Variants in RPS6KA2 observed in about 807,000 individuals in gnomAD.
RPS6KA2 encodes the protein ribosomal protein S6 kinase A2.
A neutral mutation model predicts 91.8 loss-of-function variants in RPS6KA2; 42 were observed. That is an observed-to-expected ratio of 0.46 (90% CI 0.36 to 0.59). RPS6KA2 has a LOEUF of 0.59. Ranked by LOEUF, RPS6KA2 falls within the 20% of genes least tolerant of loss-of-function variation. The pLI is 0.00. For missense variants in RPS6KA2, 798 were observed against 978.5 expected, an observed-to-expected ratio of 0.82 and a Z score of 2.46; for synonymous variants, 414 against 393.6, an observed-to-expected ratio of 1.05 and a Z score of -0.61.
At chr6:166,746,289 C>G (rs999426812) in intron 2 of RPS6KA2, among the ~76,000 whole-genome samples, 5 of 152,230 alleles carry the variant, frequency 3.3e-5, no homozygotes, top group Non-Finnish European at 7.3e-5. Flanking sequence ...CCAAACTCAC[C>G]TGTTGAGGCT....
intron 2 of RPS6KA2, among the ~76,000 whole-genome samples, chr6:166,822,200 G>A (rs554148589): frequency 1.3e-5 from 2 of 152,188 alleles, no homozygotes; most frequent in African/African-American, 4.8e-5. Flanking sequence ...TTACGGGCTG[G>A]ATATGTCCCT....
At position 166,640,051 on chromosome 6, in the gene RPS6KA2, G is replaced by A. The variant is rs76801167; in HGVS notation, c.124-101267C>T. Among the ~76,000 whole-genome samples, 236 of 152,262 alleles carry A rather than the reference G, an allele frequency of 1.5e-3. 6 individuals are homozygous for A. In the East Asian group the frequency reaches 0.042, roughly 27 times the overall value. ...CATTTATCTACGAAAGAGACACAGC[G>A]AACCCCCTTATGCAGTGAAGATGGT... On this transcript the variant is annotated intron_variant, in intron 2 of 21. Transcript: ENST00000503859.
At chr6:166,744,492 G>A (rs1009498214) in intron 2 of RPS6KA2, among the ~76,000 whole-genome samples, 7 of 152,216 alleles carry the variant, frequency 4.6e-5, no homozygotes, top group Middle Eastern at 3.2e-3. Flanking sequence ...GCTCTATGGC[G>A]ACAGACTTAA....
At chr6:166,776,341 C>G (rs971069410) in intron 2 of RPS6KA2, among the ~76,000 whole-genome samples, 1 of 152,214 alleles carries the variant, frequency 6.6e-6, no homozygotes, top group Non-Finnish European at 1.5e-5. Flanking sequence ...ATGGAGTCCC[C>G]GCACTGACTT....
chr6:166,861,023 G>A (rs1038249711), intron 1 of RPS6KA2, among the ~76,000 whole-genome samples: 1 of 152,158 alleles, frequency 6.6e-6, no homozygotes, highest in African/African-American at 2.4e-5. Context: ...GGACTTCAAT[G>A]TCCGTGCTAT....
rs1790342063 is a variant in RPS6KA2, at chr6:166,726,436, A to G, written c.123+131764T>C. Among the ~76,000 whole-genome samples the G allele has an allele frequency of 6.6e-6, 1 of 152,220 alleles. No homozygotes were observed. Among genetic ancestry groups the G allele is most frequent in the South Asian group, 2.1e-4 (1 of 4,828 alleles). On this transcript the variant is annotated intron_variant, in intron 2 of 21. Coordinates refer to the RPS6KA2 transcript ENST00000503859. The surrounding 1 kb of genome is among the most constrained non-coding windows in gnomAD (Gnocchi z 4.4). ...AGCAAACTCTTAGTCACCTCCCGAG[A>G]GCCCAGACCCTGTAGCAGAGGCTTC...
At chr6:166,771,334 C>G (rs1271824327) in intron 2 of RPS6KA2, among the ~76,000 whole-genome samples, 1 of 152,198 alleles carries the variant, frequency 6.6e-6, no homozygotes, top group Non-Finnish European at 1.5e-5. Context: ...CTATTTTAAT[C>G]TGTAGATTTC....
intron 2 of RPS6KA2, among the ~76,000 whole-genome samples, chr6:166,688,740 CA>C (rs1329862210): frequency 2.6e-5 from 4 of 152,198 alleles, no homozygotes; most frequent in Non-Finnish European, 5.9e-5. Context: ...TAAGGTTAGC[CA>C]AACAACAGAA....
At chr6:166,715,998 A>G (rs1392105433) in intron 2 of RPS6KA2, among the ~76,000 whole-genome samples, 1 of 141,808 alleles carries the variant, frequency 7.1e-6, no homozygotes, top group East Asian at 2.1e-4. Context: ...AGACTGCACC[A>G]CTGCACTACA....
At chr6:166,426,160 T>G (rs1237099069) in intron 16 of RPS6KA2, among the ~76,000 whole-genome samples, 1,585 of 151,706 alleles carry the variant, frequency 0.01, 21 homozygotes, top group African/African-American at 0.034. Context: ...ACTCAAAACC[T>G]CTCAACTACA....
At chr6:166,568,453 A>C (rs2128508636) in intron 1 of RPS6KA2, among the ~76,000 whole-genome samples, 1 of 148,192 alleles carries the variant, frequency 6.7e-6, no homozygotes, top group Non-Finnish European at 1.5e-5. Context: ...GTCTCTACTA[A>C]AGATACAAAA....
At chr6:166,833,850 A>G (rs1194205482) in intron 2 of RPS6KA2, among the ~76,000 whole-genome samples, 2 of 152,096 alleles carry the variant, frequency 1.3e-5, no homozygotes, top group Non-Finnish European at 2.9e-5. Flanking sequence ...TCATGGATGT[A>G]TGTTTTTATT....
At chr6:166,685,905 G>A (rs1041391531) in intron 2 of RPS6KA2, among the ~76,000 whole-genome samples, 9 of 152,172 alleles carry the variant, frequency 5.9e-5, no homozygotes, top group African/African-American at 2.2e-4. Context: ...TGATCCCGCA[G>A]ACAATGCACC....
chr6:166,858,177 T>C (rs1780958351), intron 2 of RPS6KA2: 1 of 1,381,806 alleles, frequency 7.2e-7, no homozygotes, highest in African/African-American at 1.4e-5. Context: ...CAAAGCAGAG[T>C]GTAATAAAAC....
At chr6:166,503,040 C>T (rs1207621418) in intron 6 of RPS6KA2, among the ~76,000 whole-genome samples, 2 of 152,168 alleles carry the variant, frequency 1.3e-5, no homozygotes, top group Non-Finnish European at 2.9e-5. Flanking sequence ...TTCATATATA[C>T]CTTCTACACA....
chr6:166,773,296 C>G (rs1265446720), intron 2 of RPS6KA2, among the ~76,000 whole-genome samples: 1 of 152,156 alleles, frequency 6.6e-6, no homozygotes, highest in Non-Finnish European at 1.5e-5. Flanking sequence ...CCAGTGTGCC[C>G]TAATGAGGGG....
At chr6:166,781,549 C>T (rs939907463) in intron 2 of RPS6KA2, among the ~76,000 whole-genome samples, 2 of 152,184 alleles carry the variant, frequency 1.3e-5, no homozygotes, top group Non-Finnish European at 2.9e-5. Context: ...GGGGCTGACC[C>T]AGGACTGCAT....
chr6:166,552,821 C>T (rs545479302), intron 1 of RPS6KA2, among the ~76,000 whole-genome samples: 143 of 152,362 alleles, frequency 9.4e-4, no homozygotes, highest in Non-Finnish European at 1.1e-3. Context: ...TGCACAAAAA[C>T]GACCAGCTCT....
intron 2 of RPS6KA2, chr6:166,701,645 G>A (rs761907133): frequency 1.4e-5 from 18 of 1,285,854 alleles, no homozygotes; most frequent in Non-Finnish European, 1.9e-5. Context: ...TGCGGGGAGG[G>A]AGGAGTCATG....
Sources: allele counts gnomAD v4.1 joint callset (sites outside exome capture counted in the v4.1 genomes callset), GRCh38; gene constraint gnomAD v4.1.1; non-coding constraint Gnocchi (gnomAD v3.1); transcripts MANE v1.5; gene names NCBI Gene and HGNC (gene_info 2026-07-23, HGNC 2026-07-21).